Variants in CCDC178 observed in about 807,000 individuals in gnomAD.
CCDC178 encodes the protein coiled-coil domain-containing protein 178.
CCDC178 carries 126 observed loss-of-function variants against 117.4 expected under a neutral mutation model. That is an observed-to-expected ratio of 1.07 (90% CI 0.93 to 1.24). The LOEUF (loss-of-function observed/expected upper bound fraction) is 1.24. Ranked by LOEUF, CCDC178 falls within the 50% of genes most tolerant of loss-of-function variation. The pLI, the probability that CCDC178 is intolerant of heterozygous loss-of-function variation, is 0.00. For synonymous variants in CCDC178, 283 were observed against 313.4 expected (o/e 0.90, Z 1.02); for missense variants, 1,030 against 986.9 (o/e 1.04, Z -0.59).
chr18:33,159,049 A>C (rs2058433441), intron 20 of CCDC178, among the ~76,000 whole-genome samples: 1 of 152,116 alleles, frequency 6.6e-6, no homozygotes, highest in Admixed American at 6.6e-5. Flanking sequence ...CTTTTTCATA[A>C]GAAAAATGTT....
rs9947884 is a variant in CCDC178 at position 33,054,978 on chromosome 18, G to C, written c.2388+37783C>G. On this transcript the variant is annotated intron_variant, in intron 21 of 22. Coordinates refer to ENST00000383096, the MANE Select transcript of CCDC178 (RefSeq NM_001105528.4). Reference sequence around the variant, plus strand: ...TTTTAAATAGTAGCCATTCTGACTGGTGTGAGATGGTATCTCATTGTGGTT... The same window carrying C: ...TTTTAAATAGTAGCCATTCTGACTGCTGTGAGATGGTATCTCATTGTGGTT... 9.3e-4 allele frequency among the ~76,000 whole-genome samples: 141 copies of C among 152,290 alleles called. 1 individual carries two copies. The highest frequency in any genetic ancestry group is 3.3e-3 in the African/African-American group (136 of 41,554).
At chr18:33,432,193 G>A (rs962911048) in intron 2 of CCDC178, among the ~76,000 whole-genome samples, 5 of 152,188 alleles carry the variant, frequency 3.3e-5, no homozygotes, top group Admixed American at 2.0e-4. Context: ...ATGGGGAGGC[G>A]GATGCAAGTA....
chr18:33,221,028 G>A (rs2059227035), intron 18 of CCDC178, among the ~76,000 whole-genome samples: 1 of 152,014 alleles, frequency 6.6e-6, no homozygotes, highest in South Asian at 2.1e-4. Flanking sequence ...TTACTGTTAT[G>A]AAGTCTACAC....
intron 2 of CCDC178, chr18:33,437,575 G>C (rs577511422): frequency 6.6e-6 from 1 of 152,268 alleles, no homozygotes; most frequent in East Asian, 1.9e-4. Context: ...TAAGTACCCA[G>C]AAAGGGAGGC....
chr18:33,051,109 T>G (rs1024140606), intron 21 of CCDC178, among the ~76,000 whole-genome samples: 1 of 152,058 alleles, frequency 6.6e-6, no homozygotes, highest in Non-Finnish European at 1.5e-5. Context: ...GACGGGGCTT[T>G]GCCATGTTGG....
chr18:33,302,983 A>G (rs2062197293), intron 11 of CCDC178, among the ~76,000 whole-genome samples: 2 of 152,180 alleles, frequency 1.3e-5, no homozygotes, highest in African/African-American at 4.8e-5. Flanking sequence ...AATAATATAT[A>G]GCTTCAAATG....
intron 22 of CCDC178, among the ~76,000 whole-genome samples, chr18:32,945,808 T>C (rs1351822766): frequency 6.6e-6 from 1 of 152,214 alleles, no homozygotes; most frequent in Non-Finnish European, 1.5e-5. Context: ...ACTTCTTTTA[T>C]ATTTTTAATG....
intron 14 of CCDC178, among the ~76,000 whole-genome samples, chr18:33,264,412 C>T (rs1303331981): frequency 6.6e-6 from 1 of 151,964 alleles, no homozygotes; most frequent in Non-Finnish European, 1.5e-5. Context: ...CTCTTGCCTG[C>T]AAATCTCTTA....
At chr18:33,319,086 C>T (rs916348530) in intron 11 of CCDC178, among the ~76,000 whole-genome samples, 1 of 152,128 alleles carries the variant, frequency 6.6e-6, no homozygotes, top group East Asian at 1.9e-4. Context: ...TACATGTGCA[C>T]AACGTGTAGG....
intron 21 of CCDC178, among the ~76,000 whole-genome samples, chr18:33,036,230 ATTCATGTATAAAGAAAATGATATTTTCG>A (rs1161084697): frequency 1.3e-5 from 2 of 151,948 alleles, no homozygotes; most frequent in Non-Finnish European, 2.9e-5. Context: ...GTATCTATAA[ATTCATGTATAAAGAAAATGATATTTTCG>A]TTTAAAAGTA....
At position 32,974,634 on chromosome 18, in the gene CCDC178, G is replaced by C. The variant is rs560840106; in HGVS notation, c.2436C>G (p.Phe812Leu). The change falls in exon 22 of 23, where the codon TTC becomes TTG. Residue 812 changes from phenylalanine (F) to leucine (L), a missense_variant. By Grantham distance (22) the Phe-to-Leu change is conservative. Transcript: ENST00000383096. ...RRMHTLWQEH[F>L]KLVVLFSQMR... Reference sequence around the variant, plus strand: ...TCTGGCTGAAGAGGACCACCAGTTTGAAGTGCTCCTGCCACAGTGTGTGCA... The same window carrying C: ...TCTGGCTGAAGAGGACCACCAGTTTCAAGTGCTCCTGCCACAGTGTGTGCA... 1.2e-6 allele frequency: 2 copies of C among 1,613,178 alleles called. No homozygotes were observed.
intron 11 of CCDC178, among the ~76,000 whole-genome samples, chr18:33,299,987 G>T (rs146345556): frequency 3.3e-5 from 5 of 152,176 alleles, no homozygotes; most frequent in Non-Finnish European, 7.3e-5. Flanking sequence ...ATCTCATGCT[G>T]AGCCGTAATC....
At chr18:33,136,427 G>A (rs2058127136) in intron 20 of CCDC178, among the ~76,000 whole-genome samples, 1 of 152,104 alleles carries the variant, frequency 6.6e-6, no homozygotes, top group South Asian at 2.1e-4. Flanking sequence ...GCTCTCCAGG[G>A]AATGAATCAG....
At chr18:33,194,948 G>GAA (rs2058911000) in intron 20 of CCDC178, among the ~76,000 whole-genome samples, 1 of 127,354 alleles carries the variant, frequency 7.9e-6, no homozygotes, top group East Asian at 2.2e-4. Context: ...GAGAGAGACA[G>GAA]AGAGAGAGAG....
intron 2 of CCDC178, among the ~76,000 whole-genome samples, chr18:33,417,083 G>A (rs771832023): frequency 7.2e-5 from 11 of 152,068 alleles, no homozygotes; most frequent in Admixed American, 3.3e-4. Context: ...ACAATAAGAC[G>A]CAGCAATTGC....
intron 22 of CCDC178, chr18:32,958,144 G>C: frequency 2.0e-6 from 1 of 506,226 alleles, no homozygotes; most frequent in Non-Finnish European, 3.6e-6. Context: ...ATAAAACACA[G>C]ACATTACGTT....
At chr18:33,261,267 T>C (rs1456626684) in intron 14 of CCDC178, among the ~76,000 whole-genome samples, 1 of 151,930 alleles carries the variant, frequency 6.6e-6, no homozygotes, top group Non-Finnish European at 1.5e-5. Context: ...GTATTTTTAG[T>C]AGAGACGGGG....
chr18:33,251,349 G>C (rs1318093914), intron 14 of CCDC178, among the ~76,000 whole-genome samples: 1 of 151,688 alleles, frequency 6.6e-6, no homozygotes, highest in Non-Finnish European at 1.5e-5. Context: ...AGGATGATTA[G>C]TTTAAATTGA....
At chr18:33,275,671 GAGGGGAGGGGAGGAGGGA>G (rs2059940188) in intron 12 of CCDC178, among the ~76,000 whole-genome samples, 1 of 107,674 alleles carries the variant, frequency 9.3e-6, no homozygotes, top group Non-Finnish European at 1.9e-5. Context: ...GGGGGGAGGG[GAGGGGAGGGGAGGAGGGA>G]GGGGAAGCGG....
Sources: allele counts gnomAD v4.1 joint callset (sites outside exome capture counted in the v4.1 genomes callset), GRCh38; gene constraint gnomAD v4.1.1; transcripts MANE v1.5; gene names NCBI Gene and HGNC (gene_info 2026-07-23, HGNC 2026-07-21).